Variants in ARB2A observed in about 807,000 individuals in gnomAD.
ARB2A encodes the protein ARB2 cotranscriptional regulator A, also known as cotranscriptional regulator ARB2A.
the ARB2A span, among the ~76,000 whole-genome samples, chr5:93,820,775 T>C: frequency 2.0e-5 from 3 of 152,184 alleles, no homozygotes; most frequent in Non-Finnish European, 4.4e-5. Flanking sequence ...TCCTTTTGTC[T>C]TTAATGACTA....
At chr5:94,102,298 C>T in the ARB2A span, among the ~76,000 whole-genome samples, 3 of 151,914 alleles carry the variant, frequency 2.0e-5, no homozygotes, top group African/African-American at 7.2e-5. Context: ...AATACAAGAA[C>T]TTAAAGATGA....
the ARB2A span, among the ~76,000 whole-genome samples, chr5:93,939,308 T>C: frequency 1.3e-5 from 2 of 152,112 alleles, no homozygotes; most frequent in African/African-American, 4.8e-5. Flanking sequence ...AAGTAAGAAA[T>C]AAATTGATCC....
chr5:94,101,583 T>C, the ARB2A span, among the ~76,000 whole-genome samples: 2 of 152,094 alleles, frequency 1.3e-5, no homozygotes, highest in Admixed American at 6.5e-5. Flanking sequence ...ATGTGGTAAA[T>C]ACACACCATG....
chr5:94,009,303 C>G, the ARB2A span, among the ~76,000 whole-genome samples: 3 of 151,988 alleles, frequency 2.0e-5, no homozygotes, highest in Non-Finnish European at 4.4e-5. Context: ...GTAAAAAGAA[C>G]AGCCCCCACC....
the ARB2A span, among the ~76,000 whole-genome samples, chr5:93,885,767 T>C: frequency 6.6e-6 from 1 of 151,730 alleles, no homozygotes; most frequent in Non-Finnish European, 1.5e-5. Flanking sequence ...AACTATGGGA[T>C]CTTAATCAGA....
chr5:93,818,064 C>T, the ARB2A span, among the ~76,000 whole-genome samples: 1 of 151,180 alleles, frequency 6.6e-6, no homozygotes, highest in African/African-American at 2.4e-5. Flanking sequence ...ATACAAATGG[C>T]CAACAGCACA....
chr5:93,985,475 C>A, the ARB2A span, among the ~76,000 whole-genome samples: 17 of 151,362 alleles, frequency 1.1e-4, no homozygotes, highest in African/African-American at 3.6e-4. Flanking sequence ...CCCTCTATTA[C>A]CGAGGCTGGA....
the ARB2A span, among the ~76,000 whole-genome samples, chr5:93,630,469 A>G: frequency 6.6e-6 from 1 of 152,242 alleles, no homozygotes; most frequent in Non-Finnish European, 1.5e-5. Context: ...AAGTTTGACC[A>G]GAGATAATAG....
chr5:93,953,071 T>A, the ARB2A span, among the ~76,000 whole-genome samples: 2 of 152,358 alleles, frequency 1.3e-5, no homozygotes, highest in East Asian at 3.9e-4. Context: ...CTTGAGTTTA[T>A]TTAAGTGTCC....
chr5:93,806,513 C>T, the ARB2A span, among the ~76,000 whole-genome samples: 1 of 151,832 alleles, frequency 6.6e-6, no homozygotes, highest in Non-Finnish European at 1.5e-5. Context: ...ATAAATTACA[C>T]ACAACTCAGG....
At chr5:93,868,361 A>C in the ARB2A span, among the ~76,000 whole-genome samples, 3 of 152,114 alleles carry the variant, frequency 2.0e-5, no homozygotes, top group Non-Finnish European at 2.9e-5. Context: ...TATTAGGGAA[A>C]CACTCAAGTC....
the ARB2A span, among the ~76,000 whole-genome samples, chr5:93,625,547 G>A: frequency 6.6e-6 from 1 of 152,064 alleles, no homozygotes; most frequent in African/African-American, 2.4e-5. Flanking sequence ...TGACTAAAAG[G>A]CAGGGGATCG....
At chr5:93,938,709 G>A in the ARB2A span, among the ~76,000 whole-genome samples, 88 of 152,318 alleles carry the variant, frequency 5.8e-4, no homozygotes, top group African/African-American at 2.0e-3. Flanking sequence ...CCTGGAGAGA[G>A]AGAGCATGCC....
At chr5:93,786,236 C>T in the ARB2A span, among the ~76,000 whole-genome samples, 11 of 152,188 alleles carry the variant, frequency 7.2e-5, no homozygotes, top group East Asian at 1.9e-3. Context: ...AAATGAGATA[C>T]AATAAAGTAA....
At chr5:93,623,371 C>T in the ARB2A span, among the ~76,000 whole-genome samples, 1 of 152,132 alleles carries the variant, frequency 6.6e-6, no homozygotes, top group Admixed American at 6.5e-5. Flanking sequence ...GTTACTAAGG[C>T]TATGATCAAT....
chr5:94,036,192 T>C, the ARB2A span, among the ~76,000 whole-genome samples: 1 of 152,210 alleles, frequency 6.6e-6, no homozygotes, highest in African/African-American at 2.4e-5. Flanking sequence ...TTTAAGCTCA[T>C]ATGTTTCATT....
chr5:93,627,161 C>A, the ARB2A span, among the ~76,000 whole-genome samples: 1 of 152,188 alleles, frequency 6.6e-6, no homozygotes, highest in Non-Finnish European at 1.5e-5. Context: ...TCTTCAGGCT[C>A]CACTTCTAAT....
chr5:93,772,313 G>T, the ARB2A span, among the ~76,000 whole-genome samples: 1 of 152,092 alleles, frequency 6.6e-6, no homozygotes, highest in African/African-American at 2.4e-5. Flanking sequence ...TTGTGGGGTG[G>T]GTGGAGCGGG....
At chr5:94,108,491 G>A in the ARB2A span, among the ~76,000 whole-genome samples, 1 of 151,758 alleles carries the variant, frequency 6.6e-6, no homozygotes, top group African/African-American at 2.4e-5. Context: ...AGTCATGGTG[G>A]CTGCCTTCTT....
Sources: gnomAD v4.1 joint callset for allele counts (sites outside exome capture counted in the v4.1 genomes callset) on GRCh38, gnomAD v4.1.1 for gene constraint, MANE v1.5 for transcripts, NCBI Gene and HGNC (gene_info 2026-07-23, HGNC 2026-07-21) for gene names.